Variants in AGBL1 observed in about 807,000 individuals in gnomAD.
AGBL1 encodes AGBL carboxypeptidase 1.
A neutral mutation model predicts 118.9 loss-of-function variants in AGBL1; 130 were observed. The observed-to-expected ratio is 1.09, with a 90% CI of 0.95 to 1.26. The LOEUF is 1.26. Ranked by LOEUF, AGBL1 falls within the 50% of genes most tolerant of loss-of-function variation. The pLI is 0.00. For missense variants in AGBL1, 1,584 were observed against 1,298.1 expected (o/e 1.22, Z -3.38); for synonymous variants, 555 against 478.9 (o/e 1.16, Z -2.08).
intron 18 of AGBL1, among the ~76,000 whole-genome samples, chr15:86,479,906 T>TA (rs1161270396): frequency 4.6e-5 from 7 of 152,274 alleles, no homozygotes; most frequent in African/African-American, 1.7e-4. Context: ...TATGCAGCCA[T>TA]AAAAAAGGAT....
chr15:86,534,833 G>A (rs971517180), intron 19 of AGBL1, among the ~76,000 whole-genome samples: 2 of 152,100 alleles, frequency 1.3e-5, no homozygotes, highest in Non-Finnish European at 2.9e-5. Context: ...TAAAGTATAA[G>A]ATCAGTGAAA....
At chr15:86,292,483 T>C (rs1170944326) in intron 16 of AGBL1, among the ~76,000 whole-genome samples, 1 of 152,158 alleles carries the variant, frequency 6.6e-6, no homozygotes, top group Non-Finnish European at 1.5e-5. Context: ...CCTTCAGAAC[T>C]ATAAGATAAT....
intron 18 of AGBL1, among the ~76,000 whole-genome samples, chr15:86,417,596 G>T (rs1265345834): frequency 6.6e-6 from 1 of 152,162 alleles, no homozygotes; most frequent in Non-Finnish European, 1.5e-5. Flanking sequence ...ATGGCTGTTA[G>T]CCATACAGAT....
chr15:86,810,899 G>A lies in AGBL1; in HGVS notation c.3159-96188G>A, dbSNP rs140576897. On this transcript the variant is annotated intron_variant, in intron 22 of 22. Transcript: ENST00000614907. ...CCTCAAGCAGCTCTAAGCTCTGGAG[G>A]GGAAATTGTTCACTAGGAGGCCTTA... Among the ~76,000 whole-genome samples, 121 of 152,290 alleles carry A rather than the reference G, an allele frequency of 7.9e-4. 2 individuals carry two copies. Among genetic ancestry groups the A allele is most frequent in the Admixed American group, 2.1e-3 (32 of 15,282 alleles).
chr15:86,714,317 T>G (rs1190964517), intron 22 of AGBL1, among the ~76,000 whole-genome samples: 1 of 152,116 alleles, frequency 6.6e-6, no homozygotes, highest in Non-Finnish European at 1.5e-5. Context: ...TGTAGTTGAA[T>G]GTCAGTGGGC....
At position 86,079,948 on chromosome 15, in the gene AGBL1, C is replaced by A. The variant is rs1422219475; in HGVS notation, c.-25C>A. ...CCAGCCTGGATCTGGCCGCAGGCAG[C>A]GGTTCCCTAGGACCCGAGAAAAGGA... On this transcript the variant is annotated 5_prime_UTR_variant, in exon 1 of 23. Coordinates refer to ENST00000614907, the MANE Select transcript of AGBL1 (RefSeq NM_001386094.1). 8.1e-7 allele frequency: 1 copy of A among 1,231,764 alleles called. No homozygotes were observed. Among genetic ancestry groups the A allele is most frequent in the African/African-American group, 1.5e-5 (1 of 64,542 alleles). 76.3% of individuals were successfully genotyped at this position (1,231,764 alleles called of 1,614,324 possible). A position where few individuals can be genotyped will look rare whatever the true frequency, so the allele number is the denominator to read the frequency against.
At chr15:86,589,943 T>C (rs1328367083) in intron 21 of AGBL1, among the ~76,000 whole-genome samples, 1 of 152,168 alleles carries the variant, frequency 6.6e-6, no homozygotes, top group Non-Finnish European at 1.5e-5. Flanking sequence ...CTCTACATAT[T>C]CTCTTACATA....
chr15:86,106,839 C>T (rs1897081655), intron 1 of AGBL1, among the ~76,000 whole-genome samples: 1 of 152,178 alleles, frequency 6.6e-6, no homozygotes. Context: ...ATAGAAAGAT[C>T]AGGCTAGTGG....
chr15:86,561,433 T>C (rs1173042783), intron 21 of AGBL1, among the ~76,000 whole-genome samples: 1 of 152,036 alleles, frequency 6.6e-6, no homozygotes, highest in Admixed American at 6.6e-5. Flanking sequence ...CCCATTGCTT[T>C]TGTTGGGTTT....
At chr15:86,211,737 C>T (rs1282224558) in intron 5 of AGBL1, among the ~76,000 whole-genome samples, 1 of 152,118 alleles carries the variant, frequency 6.6e-6, no homozygotes, top group Non-Finnish European at 1.5e-5. Flanking sequence ...TTTCCAGGTA[C>T]AGGGCATCAC....
intron 18 of AGBL1, among the ~76,000 whole-genome samples, chr15:86,465,352 T>C (rs945062133): frequency 2.6e-5 from 4 of 152,180 alleles, no homozygotes; most frequent in African/African-American, 9.6e-5. Context: ...CTGTGATGAT[T>C]GCATTATCTG....
chr15:87,000,780 T>C, intron 24 of AGBL1, among the ~76,000 whole-genome samples: 1 of 140,010 alleles, frequency 7.1e-6, no homozygotes. Flanking sequence ...CATTGGTAGC[T>C]TGATGGGGAT....
intron 18 of AGBL1, among the ~76,000 whole-genome samples, chr15:86,480,184 C>G (rs963413569): frequency 6.6e-6 from 1 of 152,142 alleles, no homozygotes; most frequent in African/African-American, 2.4e-5. Flanking sequence ...ATGTAACAAA[C>G]CTGCACGTTG....
intron 18 of AGBL1, among the ~76,000 whole-genome samples, chr15:86,522,032 C>T (rs2083195918): frequency 6.6e-6 from 1 of 152,174 alleles, no homozygotes; most frequent in South Asian, 2.1e-4. Context: ...ATCACTCTGC[C>T]TGACAACTCA....
At chr15:86,878,829 C>G (rs2141525430) in intron 22 of AGBL1, among the ~76,000 whole-genome samples, 1 of 152,354 alleles carries the variant, frequency 6.6e-6, no homozygotes, top group Admixed American at 6.5e-5. Context: ...ACCTCCACAG[C>G]AGCTGTGTTT....
chr15:86,886,876 A>G (rs1357643798), intron 22 of AGBL1, among the ~76,000 whole-genome samples: 7 of 152,180 alleles, frequency 4.6e-5, no homozygotes, highest in African/African-American at 1.7e-4. Context: ...GAAAACTCAG[A>G]CGAAGAAATA....
chr15:86,337,653 C>T (rs2080394044), intron 17 of AGBL1, among the ~76,000 whole-genome samples: 1 of 152,066 alleles, frequency 6.6e-6, no homozygotes, highest in African/African-American at 2.4e-5. Flanking sequence ...GGGAGCTGAA[C>T]AATGAGAGCA....
At chr15:86,730,711 A>C (rs576457004) in intron 22 of AGBL1, among the ~76,000 whole-genome samples, 1 of 152,236 alleles carries the variant, frequency 6.6e-6, no homozygotes, top group Non-Finnish European at 1.5e-5. Context: ...GGAAAAAAAT[A>C]AGAATGCATG....
intron 18 of AGBL1, among the ~76,000 whole-genome samples, chr15:86,434,804 G>T (rs1475737309): frequency 1.3e-5 from 2 of 152,224 alleles, no homozygotes; most frequent in African/African-American, 4.8e-5. Context: ...ATGCAGGGTA[G>T]TATGCAAAGC....
Sources: gnomAD v4.1 joint callset for allele counts (sites outside exome capture counted in the v4.1 genomes callset) on GRCh38, gnomAD v4.1.1 for gene constraint, MANE v1.5 for transcripts, NCBI Gene and HGNC (gene_info 2026-07-23, HGNC 2026-07-21) for gene names.